The following SLC5A6 variants were observed in gnomAD, a reference collection of about 807,000 sequenced individuals.
The protein encoded by SLC5A6 is solute carrier family 5 member 6, also known as sodium-dependent multivitamin transporter.
A neutral mutation model predicts 67.9 loss-of-function variants in SLC5A6; 31 were observed. The ratio of observed to expected loss-of-function variants is 0.46; its 90% CI spans 0.34 to 0.62. The LOEUF is 0.62. Among genes scored for constraint, SLC5A6 ranks in the 20% least tolerant of loss-of-function variants. SLC5A6 has a pLI of 0.01. For missense variants in SLC5A6, 673 were observed against 812.8 expected, an observed-to-expected ratio of 0.83 and a Z score of 2.09; for synonymous variants, 343 against 331.0, an observed-to-expected ratio of 1.04 and a Z score of -0.39.
Position 27,212,029 on chromosome 2 carries a change from A to C in SLC5A6, c.-217T>G. ...GTGCCGCCATGTTTACTGAGGGCGG[A>C]TGGAGGGGCCCGAGTTTCTGCGAAG... On this transcript the variant is annotated 5_prime_UTR_variant, in exon 1 of 17. Coordinates refer to ENST00000310574, the MANE Select transcript of SLC5A6 (RefSeq NM_021095.4). 2.8e-6 allele frequency: 2 copies of C among 704,280 alleles called. No individual in the cohort carries two copies. Among genetic ancestry groups the C allele is most frequent in the Non-Finnish European group, 4.3e-6 (2 of 463,384 alleles). 43.6% of individuals were successfully genotyped at this position (704,280 alleles called of 1,614,324 possible).
chr2:27,212,423 C>G, upstream of SLC5A6: 10 of 1,556,216 alleles, frequency 6.4e-6, no homozygotes, highest in Non-Finnish European at 8.7e-6. Context: ...GGCTGCCGCC[C>G]TGCTCCTCGC....
intron 16 of SLC5A6, 152 bp from the exon 17 acceptor site, chr2:27,200,731 G>T (rs1440690863): frequency 4.3e-6 from 3 of 703,662 alleles, no homozygotes; most frequent in Non-Finnish European, 7.1e-6. Flanking sequence ...GCATAGCACA[G>T]CAGGGAGCAC....
chr2:27,211,978 C>G, intron 1 of SLC5A6, 42 bp downstream of exon 1: 1 of 534,246 alleles, frequency 1.9e-6, no homozygotes, highest in Non-Finnish European at 3.1e-6. Flanking sequence ...CCGCCCCCTG[C>G]CCGCCCCCTG....
chr2:27,209,585 T>G (rs930751345), intron 2 of SLC5A6, among the ~76,000 whole-genome samples: 1 of 152,222 alleles, frequency 6.6e-6, no homozygotes, highest in African/African-American at 2.4e-5. Context: ...AAGGGCCCTG[T>G]CCTCACTATT....
Position 27,202,089 on chromosome 2 carries a change from T to C in SLC5A6, c.1276-15A>G. 1 of 1,601,190 alleles carries C rather than the reference T, an allele frequency of 6.2e-7. No homozygotes were observed. Among genetic ancestry groups the C allele is most frequent in the Non-Finnish European group, 8.6e-7 (1 of 1,168,638 alleles). ...CTGATTGCTGCCTAGGAGGACAGGG[T>C]GAGAAGAAAAGGAAAAAGAACACAG... On this transcript the variant is annotated splice_polypyrimidine_tract_variant and intron_variant, in intron 12 of 16. Transcript: ENST00000310574.
At chr2:27,203,982 T>C in intron 9 of SLC5A6, 115 bp from the exon 10 acceptor site, 1 of 731,610 alleles carries the variant, frequency 1.4e-6, no homozygotes, top group Non-Finnish European at 2.3e-6. Flanking sequence ...ACTGGGTGCA[T>C]TACAAGGGAA....
At chr2:27,206,278 G>T (rs944868546) in intron 5 of SLC5A6, 185 bp from the exon 6 acceptor site, 1 of 699,684 alleles carries the variant, frequency 1.4e-6, no homozygotes, top group Admixed American at 2.4e-5. Flanking sequence ...AACCAGTTCA[G>T]ATAGGGCATG....
At chr2:27,211,965 G>GCCCCGCC in intron 1 of SLC5A6, 55 bp downstream of exon 1, 1 of 422,828 alleles carries the variant, frequency 2.4e-6, no homozygotes, top group Non-Finnish European at 4.0e-6. Context: ...GCCCGCGGGG[G>GCCCCGCC]CCCCGCCCCC....
At chr2:27,204,321 G>T in intron 9 of SLC5A6, 140 bp downstream of exon 9, 1 of 918,060 alleles carries the variant, frequency 1.1e-6, no homozygotes, top group Non-Finnish European at 1.6e-6. Flanking sequence ...TAGATTCCTA[G>T]CATCTCAGAG....
intron 7 of SLC5A6, 93 bp downstream of exon 7, chr2:27,205,257 T>G: frequency 7.6e-7 from 1 of 1,314,422 alleles, no homozygotes; most frequent in Non-Finnish European, 1.1e-6. Flanking sequence ...GCTTCCCAGT[T>G]TACCTTCTGC....
In SLC5A6 at chr2:27,200,987, G is replaced by C. The variant is rs1480997076; in HGVS notation, c.1764+11C>G. The stretch of plus-strand genomic sequence containing the variant: ...AGGGCAGGGAGGGGTCACTTGGACA[G>C]CAGGTACTACCTGGCCGTAGCTCCT... On this transcript the variant is annotated intron_variant, in intron 16 of 16. Coordinates refer to ENST00000310574, the MANE Select transcript of SLC5A6 (RefSeq NM_021095.4). 1.3e-6 allele frequency: 2 copies of C among 1,565,070 alleles called. No homozygotes were observed. Among genetic ancestry groups the C allele is most frequent in the African/African-American group, 2.7e-5 (2 of 73,960 alleles).
chr2:27,211,964 G>GGCCCC (rs1341243117), intron 1 of SLC5A6, 56 bp downstream of exon 1: 26 of 422,294 alleles, frequency 6.2e-5, no homozygotes, highest in East Asian at 4.7e-4. Context: ...AGCCCGCGGG[G>GGCCCC]GCCCCGCCCC....
intron 2 of SLC5A6, among the ~76,000 whole-genome samples, chr2:27,209,607 G>A (rs1674317426): frequency 6.6e-6 from 1 of 152,196 alleles, no homozygotes; most frequent in Non-Finnish European, 1.5e-5. Context: ...CCAGAACCAG[G>A]ACAGGAGCAG....
At chr2:27,209,748 TG>T (rs1327017620) in intron 2 of SLC5A6, among the ~76,000 whole-genome samples, 9 of 152,230 alleles carry the variant, frequency 5.9e-5, no homozygotes, top group Non-Finnish European at 8.8e-5. Context: ...TCTCCCACAG[TG>T]TGTTCTTGGG....
intron 9 of SLC5A6, 25 bp downstream of exon 9, chr2:27,204,436 T>C (rs2148002895): frequency 1.3e-6 from 2 of 1,598,946 alleles, no homozygotes; most frequent in Non-Finnish European, 8.5e-7. Context: ...CCTGCCCTCA[T>C]GGGAACAGAA....
At position 27,200,506 on chromosome 2, in the gene SLC5A6, G is replaced by A; in HGVS notation, c.1838C>T (p.Ala613Val). The A allele has an allele frequency of 6.2e-7, 1 of 1,614,052 alleles. No individual in the cohort carries two copies. Among genetic ancestry groups the A allele is most frequent in the Non-Finnish European group, 8.5e-7 (1 of 1,179,942 alleles). The part of the protein sequence containing the change: ...GVLGDSRDKE[A>V]MALDGTAYQG... Reference sequence around the variant, plus strand: ...ATAGGCTGTGCCATCCAGGGCCATGGCCTCCTTGTCTCTGCTGTCCCCCAG... The same window carrying A: ...ATAGGCTGTGCCATCCAGGGCCATGACCTCCTTGTCTCTGCTGTCCCCCAG... Residue 613 changes from alanine to valine, a missense_variant, in exon 17 of 17, where the codon GCC (alanine) becomes GTC (valine). Transcript: ENST00000310574.
chr2:27,205,567 C>T, intron 6 of SLC5A6, 63 bp from the exon 7 acceptor site: 1 of 1,576,044 alleles, frequency 6.3e-7, no homozygotes, highest in Non-Finnish European at 8.7e-7. Flanking sequence ...TCCAACCTGC[C>T]TTATTTTGTT....
chr2:27,202,889 A>AAC lies in SLC5A6; in HGVS notation c.1208-10_1208-9insGT. The AAC allele has an allele frequency of 6.2e-7, 1 of 1,613,604 alleles. No homozygotes were observed. ...CAGCCCATAGCCAAAGGCTGGGGGA[A>AAC]AAGGACAGGAGAGGAAACAAGAAGG... is the stretch of plus-strand genomic sequence containing the variant. On this transcript the variant is annotated splice_polypyrimidine_tract_variant and intron_variant, in intron 11 of 16. Coordinates refer to ENST00000310574, the MANE Select transcript of SLC5A6 (RefSeq NM_021095.4).
chr2:27,206,423 TC>T, intron 5 of SLC5A6, 59 bp downstream of exon 5: 1 of 1,507,058 alleles, frequency 6.6e-7, no homozygotes, highest in Non-Finnish European at 9.2e-7. Flanking sequence ...CATCTGCCTC[TC>T]CCAAAGGTGC....
Sources: gnomAD v4.1 joint callset for allele counts (sites outside exome capture counted in the v4.1 genomes callset) on GRCh38, gnomAD v4.1.1 for gene constraint, MANE v1.5 for transcripts, NCBI Gene and HGNC (gene_info 2026-07-23, HGNC 2026-07-21) for gene names.